Variants in MALRD1 observed in about 807,000 individuals in gnomAD.
MALRD1 encodes MAM and LDL receptor class A domain containing 1.
Under a neutral mutation model 242.1 loss-of-function variants are expected in MALRD1, and 247 were observed. The ratio of observed to expected loss-of-function variants is 1.02; its 90% CI spans 0.92 to 1.13. The LOEUF is 1.13. Ranked by LOEUF, MALRD1 falls within the 50% of genes most tolerant of loss-of-function variation. The pLI is 0.00. For synonymous variants in MALRD1, 995 were observed against 866.6 expected (o/e 1.15, Z -2.60); for missense variants, 2,989 against 2,533.1 (o/e 1.18, Z -3.86).
intron 2 of MALRD1, among the ~76,000 whole-genome samples, chr10:19,078,955 C>T (rs1229230355): frequency 6.6e-6 from 1 of 151,206 alleles, no homozygotes; most frequent in African/African-American, 2.4e-5. Context: ...ATTGATCTTT[C>T]CAGGAACTTT....
intron 24 of MALRD1, among the ~76,000 whole-genome samples, chr10:19,341,017 G>T (rs1843822246): frequency 6.6e-6 from 1 of 152,040 alleles, no homozygotes; most frequent in Non-Finnish European, 1.5e-5. Context: ...GGAAGGGGGA[G>T]CTAGTATTGC....
At position 19,205,590 on chromosome 10, in the gene MALRD1, A is replaced by T. The variant is rs928076612; in HGVS notation, c.2578+325A>T. On this transcript the variant is annotated intron_variant, in intron 17 of 39. Coordinates refer to ENST00000454679, the MANE Select transcript of MALRD1 (RefSeq NM_001142308.3). ...ATGGTAGCTTTGATAGGAGCGATGAAGAAGAGTGCTGTGACCTTATATAAT... is the reference window on the plus strand; with the variant it reads ...ATGGTAGCTTTGATAGGAGCGATGATGAAGAGTGCTGTGACCTTATATAAT... Among the ~76,000 whole-genome samples the T allele has an allele frequency of 2.6e-5, 4 of 152,086 alleles. No homozygotes were observed. In the South Asian group the frequency reaches 8.3e-4, roughly 31 times the overall value.
intron 18 of MALRD1, among the ~76,000 whole-genome samples, chr10:19,239,500 A>G (rs1411687903): frequency 6.6e-6 from 1 of 152,122 alleles, no homozygotes; most frequent in African/African-American, 2.4e-5. Context: ...TTTTAGTTTG[A>G]TGAAACCCCA....
At position 19,359,095 on chromosome 10, in the gene MALRD1, G is replaced by A. The variant is rs778443587; in HGVS notation, c.4441+6798G>A. ...CAAAGAAGAAATTATAGTTTTGAACGTAGAAAACCTTACAAAACAGAACTG... is the reference window on the plus strand; with the variant it reads ...CAAAGAAGAAATTATAGTTTTGAACATAGAAAACCTTACAAAACAGAACTG... On this transcript the variant is annotated intron_variant, in intron 26 of 39. Transcript: ENST00000454679. Among the ~76,000 whole-genome samples, 57 of 152,132 alleles carry A rather than the reference G, an allele frequency of 3.7e-4. 1 individual carries two copies. Among genetic ancestry groups the A allele is most frequent in the Non-Finnish European group, 6.5e-4 (44 of 68,020 alleles).
chr10:19,492,719 T>C (rs1232605835), intron 30 of MALRD1, among the ~76,000 whole-genome samples: 1 of 152,174 alleles, frequency 6.6e-6, no homozygotes, highest in Non-Finnish European at 1.5e-5. Flanking sequence ...ATACCATACC[T>C]GATTCCTGCT....
chr10:19,253,127 T>A (rs1839365400), intron 18 of MALRD1, among the ~76,000 whole-genome samples: 1 of 151,954 alleles, frequency 6.6e-6, no homozygotes, highest in Non-Finnish European at 1.5e-5. Context: ...GTTTGTGCAT[T>A]TTTGATTATT....
intron 11 of MALRD1, among the ~76,000 whole-genome samples, chr10:19,147,832 G>A (rs564757485): frequency 7.2e-5 from 11 of 152,296 alleles, no homozygotes; most frequent in African/African-American, 2.4e-4. Flanking sequence ...CAGAAGTAAG[G>A]AATTACTGAG....
chr10:19,619,049 C>T (rs1213634153), intron 36 of MALRD1, among the ~76,000 whole-genome samples: 4 of 152,096 alleles, frequency 2.6e-5, no homozygotes, highest in African/African-American at 4.8e-5. Flanking sequence ...TAACCACTGA[C>T]ACGACGCCAG....
chr10:19,452,822 G>T (rs1835402247), intron 29 of MALRD1, among the ~76,000 whole-genome samples: 1 of 152,100 alleles, frequency 6.6e-6, no homozygotes, highest in South Asian at 2.1e-4. Context: ...AGTCAGAAAG[G>T]CACTTTATCA....
intron 28 of MALRD1, among the ~76,000 whole-genome samples, chr10:19,433,117 C>T (rs960803434): frequency 6.6e-6 from 1 of 152,064 alleles, no homozygotes; most frequent in Admixed American, 6.6e-5. Context: ...TTATTTTTAT[C>T]TAATCAAAGA....
At chr10:19,183,912 T>A (rs990823656) in intron 14 of MALRD1, among the ~76,000 whole-genome samples, 1 of 151,996 alleles carries the variant, frequency 6.6e-6, no homozygotes, top group African/African-American at 2.4e-5. Flanking sequence ...TCAAGGAGTC[T>A]CTCTCTCTCT....
chr10:19,219,048 T>C (rs998877426), intron 18 of MALRD1, among the ~76,000 whole-genome samples: 1 of 152,170 alleles, frequency 6.6e-6, no homozygotes, highest in Non-Finnish European at 1.5e-5. Flanking sequence ...TCATAAAGAA[T>C]AATTTATTCC....
intron 8 of MALRD1, among the ~76,000 whole-genome samples, chr10:19,131,177 T>A (rs1833087985): frequency 6.7e-6 from 1 of 148,794 alleles, no homozygotes; most frequent in South Asian, 2.1e-4. Flanking sequence ...ACTCCAAACC[T>A]ATCATTTAAA....
intron 36 of MALRD1, among the ~76,000 whole-genome samples, chr10:19,676,859 C>G (rs534630477): frequency 4.6e-5 from 7 of 152,244 alleles, no homozygotes; most frequent in Admixed American, 2.6e-4. Context: ...TTGTTCCCCT[C>G]CCTGAGTTCA....
intron 36 of MALRD1, among the ~76,000 whole-genome samples, chr10:19,636,620 C>T (rs1360511311): frequency 6.6e-6 from 1 of 151,962 alleles, no homozygotes; most frequent in Non-Finnish European, 1.5e-5. Flanking sequence ...GTACAGTGGC[C>T]CAGTACAGTG....
intron 9 of MALRD1, among the ~76,000 whole-genome samples, chr10:19,135,251 C>T (rs936354985): frequency 6.6e-6 from 1 of 152,074 alleles, no homozygotes; most frequent in Non-Finnish European, 1.5e-5. Context: ...ACCTCCTGGG[C>T]TCAAGCAATT....
At chr10:19,273,569 C>G (rs1365584286) in intron 19 of MALRD1, among the ~76,000 whole-genome samples, 1 of 152,046 alleles carries the variant, frequency 6.6e-6, no homozygotes, top group African/African-American at 2.4e-5. Context: ...AATGAGCTGT[C>G]AAGCTGAGAT....
chr10:19,604,682 C>A (rs1378309618), intron 34 of MALRD1, among the ~76,000 whole-genome samples: 3 of 152,096 alleles, frequency 2.0e-5, no homozygotes, highest in East Asian at 3.9e-4. Flanking sequence ...GAAGAAGATG[C>A]CACATAGGAC....
intron 33 of MALRD1, among the ~76,000 whole-genome samples, chr10:19,580,683 G>T (rs558185902): frequency 6.6e-6 from 1 of 152,156 alleles, no homozygotes; most frequent in African/African-American, 2.4e-5. Context: ...ATTTAGCTTT[G>T]GCCTCGACTA....
Sources: allele counts gnomAD v4.1 joint callset (sites outside exome capture counted in the v4.1 genomes callset), GRCh38; gene constraint gnomAD v4.1.1; transcripts MANE v1.5; gene names NCBI Gene and HGNC (gene_info 2026-07-23, HGNC 2026-07-21).